The following GPHN variants were observed in gnomAD, a reference collection of about 807,000 sequenced individuals.
GPHN encodes gephyrin.
A neutral mutation model predicts 95.5 loss-of-function variants in GPHN; 17 were observed. That is an observed-to-expected ratio of 0.18 (90% CI 0.12 to 0.27). The LOEUF is 0.27. Ranked by LOEUF, GPHN falls within the 10% of genes least tolerant of loss-of-function variation. GPHN has a pLI of 1.00. For synonymous variants in GPHN, 320 were observed against 322.5 expected, an observed-to-expected ratio of 0.99 and a Z score of 0.08; for missense variants, 660 against 978.1, an observed-to-expected ratio of 0.67 and a Z score of 4.34.
chr14:67,677,210 A>G, the GPHN span: 6 of 152,298 alleles, frequency 3.9e-5, no homozygotes, highest in East Asian at 5.8e-4. Flanking sequence ...CTCCAAATAA[A>G]ATACAAAATT....
the GPHN span, among the ~76,000 whole-genome samples, chr14:67,678,945 C>T: frequency 8.5e-5 from 13 of 152,182 alleles, no homozygotes; most frequent in East Asian, 1.7e-3. Flanking sequence ...GAAAAGGCGA[C>T]ACAGAAAAGA....
intron 10 of GPHN, among the ~76,000 whole-genome samples, chr14:67,043,806 C>G (rs1311326239): frequency 1.3e-5 from 2 of 152,106 alleles, no homozygotes; most frequent in Non-Finnish European, 1.5e-5. Context: ...ATGGTACCAG[C>G]TACTTTTTGT....
the GPHN span, among the ~76,000 whole-genome samples, chr14:67,464,237 G>A: frequency 1.9e-4 from 29 of 152,250 alleles, no homozygotes; most frequent in African/African-American, 4.6e-4. Context: ...CCCGCTGACC[G>A]CAATCCATGA....
the GPHN span, among the ~76,000 whole-genome samples, chr14:67,436,161 A>G: frequency 6.6e-6 from 1 of 152,186 alleles, no homozygotes; most frequent in Non-Finnish European, 1.5e-5. Flanking sequence ...GCTTCTTGCC[A>G]GTATCTGTGA....
At chr14:66,829,266 T>C (rs557062143) in intron 4 of GPHN, among the ~76,000 whole-genome samples, 1 of 152,094 alleles carries the variant, frequency 6.6e-6, no homozygotes, top group East Asian at 1.9e-4. Flanking sequence ...TTTTATATTT[T>C]TAGTAGAGAC....
chr14:67,501,343 A>C, the GPHN span, among the ~76,000 whole-genome samples: 1 of 152,094 alleles, frequency 6.6e-6, no homozygotes, highest in Non-Finnish European at 1.5e-5. Context: ...TTTAGTAATC[A>C]AGATAAACGA....
chr14:67,465,167 A>G, the GPHN span, among the ~76,000 whole-genome samples: 1 of 152,252 alleles, frequency 6.6e-6, no homozygotes, highest in Non-Finnish European at 1.5e-5. Flanking sequence ...TCCAGGCGCC[A>G]GGACTGGGTT....
chr14:66,952,500 T>C (rs1015592499), intron 8 of GPHN, among the ~76,000 whole-genome samples: 1 of 152,226 alleles, frequency 6.6e-6, no homozygotes, highest in Non-Finnish European at 1.5e-5. Context: ...CATTCATGTA[T>C]GTTTTTATTT....
chr14:67,655,983 C>T, the GPHN span, among the ~76,000 whole-genome samples: 424 of 152,230 alleles, frequency 2.8e-3, 2 homozygotes, highest in Middle Eastern at 0.02. Flanking sequence ...CAGTGGCTCA[C>T]GCCTATAATC....
chr14:67,131,520 C>T (rs2079708405), intron 17 of GPHN, among the ~76,000 whole-genome samples: 1 of 152,086 alleles, frequency 6.6e-6, no homozygotes, highest in Non-Finnish European at 1.5e-5. Flanking sequence ...AGTCCAAAAG[C>T]CTTGACCATA....
At chr14:67,413,382 A>G in the GPHN span, among the ~76,000 whole-genome samples, 3 of 152,198 alleles carry the variant, frequency 2.0e-5, no homozygotes, top group Non-Finnish European at 4.4e-5. Context: ...GATTGTGGGC[A>G]TGAGTCATGG....
chr14:67,656,026 A>G, the GPHN span, among the ~76,000 whole-genome samples: 3 of 152,264 alleles, frequency 2.0e-5, no homozygotes, highest in South Asian at 6.2e-4. Flanking sequence ...CAGGTGGATC[A>G]CCTGAAGTTA....
chr14:67,060,623 C>T (rs2075787939), intron 11 of GPHN, among the ~76,000 whole-genome samples: 1 of 152,192 alleles, frequency 6.6e-6, no homozygotes, highest in African/African-American at 2.4e-5. Context: ...AAATAAAACT[C>T]CTGCCCCATG....
chr14:67,224,656 G>T, the GPHN span: 2 of 313,474 alleles, frequency 6.4e-6, no homozygotes, highest in South Asian at 5.1e-5. Context: ...CCAAATTATG[G>T]GCTTATCTCT....
chr14:66,661,925 A>T (rs1316871698), intron 1 of GPHN, among the ~76,000 whole-genome samples: 1 of 152,200 alleles, frequency 6.6e-6, no homozygotes, highest in South Asian at 2.1e-4. Context: ...TTCCTTAAGC[A>T]GTCCCCGATC....
At chr14:67,571,682 G>A in the GPHN span, 3 of 1,522,308 alleles carry the variant, frequency 2.0e-6, no homozygotes, top group Non-Finnish European at 2.7e-6. Context: ...GACCAGGAGT[G>A]CAAGCTGCAG....
intron 17 of GPHN, among the ~76,000 whole-genome samples, chr14:67,127,746 A>G (rs2078440837): frequency 6.6e-6 from 1 of 152,250 alleles, no homozygotes; most frequent in Non-Finnish European, 1.5e-5. Flanking sequence ...CTTTTGAAGA[A>G]TCACAAATTC....
chr14:67,433,311 A>T, the GPHN span, among the ~76,000 whole-genome samples: 1 of 152,210 alleles, frequency 6.6e-6, no homozygotes, highest in Admixed American at 6.5e-5. Context: ...TTTAGTGAGC[A>T]TGAGAATGAG....
At chr14:67,224,295 G>C in the GPHN span, among the ~76,000 whole-genome samples, 5 of 135,770 alleles carry the variant, frequency 3.7e-5, no homozygotes, top group East Asian at 1.1e-3. Flanking sequence ...GTCTTACTCT[G>C]TCGCCCAGGC....
Sources: gnomAD v4.1 joint callset for allele counts (sites outside exome capture counted in the v4.1 genomes callset) on GRCh38, gnomAD v4.1.1 for gene constraint, MANE v1.5 for transcripts, NCBI Gene and HGNC (gene_info 2026-07-23, HGNC 2026-07-21) for gene names.